CYFIP1: variants seen among roughly 807,000 people sequenced by gnomAD.
The protein encoded by CYFIP1 is cytoplasmic FMR1-interacting protein 1.
Under a neutral mutation model 163.5 loss-of-function variants are expected in CYFIP1, and 58 were observed. The observed-to-expected ratio is 0.35, with a 90% CI of 0.29 to 0.44. The LOEUF (loss-of-function observed/expected upper bound fraction) is 0.44. CYFIP1 is among the 20% of genes least tolerant of loss of function. CYFIP1 has a pLI of 1.00. For missense variants in CYFIP1, 1,338 were observed against 1,653.8 expected (o/e 0.81, Z 3.31); for synonymous variants, 663 against 660.7 (o/e 1.00, Z -0.05).
chr15:22,914,631 C>T lies in CYFIP1; in HGVS notation c.1985+95G>A, dbSNP rs1019551551. 3.1e-6 allele frequency: 4 copies of T among 1,302,694 alleles called. No homozygotes were observed. The African/African-American group carries it at 6.0e-5, about 20-fold the overall frequency. 80.7% of individuals were successfully genotyped at this position (1,302,694 alleles called of 1,614,324 possible). A position where few individuals can be genotyped will look rare whatever the true frequency, so the allele number is the denominator to read the frequency against. ...AGGCCCAGAAACTTGATTTCAAATA[C>T]AATACTAAAAACAGTCCCGGCCTCT... is the stretch of plus-strand genomic sequence containing the variant. On this transcript the variant is annotated intron_variant, in intron 17 of 30. Coordinates refer to ENST00000617928, the MANE Select transcript of CYFIP1 (RefSeq NM_014608.6).
intron 1 of CYFIP1, among the ~76,000 whole-genome samples, chr15:22,976,006 T>C (rs1487992624): frequency 1.3e-5 from 2 of 152,292 alleles, no homozygotes; most frequent in South Asian, 2.1e-4. Context: ...TGTTGAGTGT[T>C]CCAACCACTG....
intron 12 of CYFIP1, among the ~76,000 whole-genome samples, chr15:22,926,446 A>G (rs1005240905): frequency 1.2e-4 from 19 of 152,268 alleles, no homozygotes; most frequent in Admixed American, 1.2e-3. Flanking sequence ...TTGAGGCAGG[A>G]GGATCACTTG....
intron 13 of CYFIP1, among the ~76,000 whole-genome samples, chr15:22,921,702 G>T (rs2142138890): frequency 6.9e-6 from 1 of 145,772 alleles, no homozygotes; most frequent in Admixed American, 7.1e-5. Context: ...GGAGGTGAAG[G>T]TTGCAGTAAG....
intron 4 of CYFIP1, 97 bp from the exon 5 acceptor site, chr15:22,944,756 T>C: frequency 6.6e-7 from 1 of 1,519,424 alleles, no homozygotes; most frequent in Non-Finnish European, 9.1e-7. Flanking sequence ...TGCTGTGGGG[T>C]GAGAACTGGG....
At chr15:22,951,431 G>T in intron 1 of CYFIP1, 2 of 1,289,520 alleles carry the variant, frequency 1.6e-6, no homozygotes, top group African/African-American at 1.5e-5. Context: ...GAGCCAGCAT[G>T]GGGGGCCTGC....
At position 22,947,060 on chromosome 15, in the gene CYFIP1, A is replaced by C. The variant is rs2062086009; in HGVS notation, c.150T>G (p.Asn50Lys). 6.2e-7 allele frequency: 1 copy of C among 1,614,184 alleles called. No homozygotes were observed. Among genetic ancestry groups the C allele is most frequent in the Non-Finnish European group, 8.5e-7 (1 of 1,180,026 alleles). Residue 50 changes from asparagine (N) to lysine (K), a missense_variant, in exon 3 of 31, where the codon AAT becomes AAG. Asn to Lys is a moderately conservative substitution (Grantham distance 94, BLOSUM62 0). Transcript: ENST00000617928. ...ATCTTGCGATGCCAGTAACAAATGC[A>C]TTTCTGTCTTCAAAGTTAGTGTTGA... Reference protein sequence around the residue: ...PNFNTNFEDRNAFVTGIARYI... With the variant: ...PNFNTNFEDRKAFVTGIARYI...
At chr15:22,873,873 C>G in intron 28 of CYFIP1, 144 bp from the exon 29 acceptor site, 4 of 742,170 alleles carry the variant, frequency 5.4e-6, no homozygotes, top group Non-Finnish European at 9.1e-6. Flanking sequence ...CTCGCTGCAG[C>G]CTTGACTTCC....
At position 22,867,230 on chromosome 15, in the gene CYFIP1, TTTTA is replaced by T; in HGVS notation, c.*2794_*2797del. On this transcript the variant is annotated 3_prime_UTR_variant, in exon 31 of 31. Transcript: ENST00000617928. The stretch of plus-strand genomic sequence containing the variant: ...ATCAATCCCTGACCATGTAAGGCTT[TTTTA>T]TTTTAAAAAAACAGAGTTATCCCAA... 1 of 404,292 alleles carries T rather than the reference TTTTA, an allele frequency of 2.5e-6. No homozygotes were observed. Among genetic ancestry groups the T allele is most frequent in the Non-Finnish European group, 4.4e-6 (1 of 229,784 alleles). 25.0% of individuals were successfully genotyped at this position (404,292 alleles called of 1,614,324 possible). A position where few individuals can be genotyped will look rare whatever the true frequency, so the allele number is the denominator to read the frequency against.
intron 21 of CYFIP1, 119 bp from the exon 22 acceptor site, chr15:22,904,024 C>T (rs1439348330): frequency 3.3e-6 from 3 of 907,552 alleles, no homozygotes; most frequent in African/African-American, 1.7e-5. Context: ...GGAGGCAGCC[C>T]CCAGTGAGCG....
chr15:22,904,205 A>G (rs1174042724), intron 21 of CYFIP1: 5 of 461,186 alleles, frequency 1.1e-5, no homozygotes, highest in African/African-American at 4.0e-5. Context: ...CCTTCCCCCC[A>G]TGTGCCCGCT....
chr15:22,933,021 T>A, intron 10 of CYFIP1, among the ~76,000 whole-genome samples: 1 of 151,572 alleles, frequency 6.6e-6, no homozygotes, highest in South Asian at 2.1e-4. Flanking sequence ...TTTCATACAG[T>A]CAAGGTCTCA....
chr15:22,875,890 A>ATATATATATATATATATATATATATATG (rs1555395907), intron 26 of CYFIP1, among the ~76,000 whole-genome samples: 1 of 133,022 alleles, frequency 7.5e-6, no homozygotes, highest in Non-Finnish European at 1.6e-5. Context: ...AATAACATAT[A>ATATATATATATATATATATATATATATG]TATATATAAA....
intron 1 of CYFIP1, among the ~76,000 whole-genome samples, chr15:22,949,959 C>CCT (rs754834939): frequency 2.0e-5 from 3 of 151,660 alleles, no homozygotes; most frequent in Non-Finnish European, 2.9e-5. Flanking sequence ...TGAAATCCTG[C>CCT]CTCTTTTAAA....
rs956052384 is a variant in CYFIP1 at position 22,867,438 on chromosome 15, A to G, written c.*2590T>C. The G allele has an allele frequency of 2.8e-6, 1 of 361,972 alleles. No homozygotes were observed. The highest frequency in any genetic ancestry group is 4.9e-6 in the Non-Finnish European group (1 of 204,436). The allele number at this position is 361,972 out of a possible 1,614,324, so 22.4% of individuals were successfully genotyped here. A position where few individuals can be genotyped will look rare whatever the true frequency, so the allele number is the denominator to read the frequency against. ...CCAAGGAACGATTTCTCAGGTTGAG[A>G]TGATCACCGTGAATCCGGCTTCCTC... On this transcript the variant is annotated 3_prime_UTR_variant, in exon 31 of 31. Coordinates refer to ENST00000617928, the MANE Select transcript of CYFIP1 (RefSeq NM_014608.6).
At chr15:22,901,764 C>T (rs1047487594) in intron 22 of CYFIP1, among the ~76,000 whole-genome samples, 4 of 152,194 alleles carry the variant, frequency 2.6e-5, no homozygotes, top group Admixed American at 2.0e-4. Context: ...ACTAAAATTC[C>T]GGGTAGCATG....
chr15:22,916,678 C>T (rs1161497826), intron 15 of CYFIP1, 48 bp from the exon 16 acceptor site: 2 of 1,613,988 alleles, frequency 1.2e-6, no homozygotes, highest in Admixed American at 3.3e-5. Context: ...ATACATGGTA[C>T]ATTAGTTATG....
In CYFIP1 at chr15:22,917,643, C is replaced by T; in HGVS notation, c.1674+145G>A. 1 of 984,860 alleles carries T rather than the reference C, an allele frequency of 1.0e-6. No homozygotes were observed. Among genetic ancestry groups the T allele is most frequent in the Non-Finnish European group, 1.4e-6 (1 of 697,500 alleles). 61.0% of individuals were successfully genotyped at this position (984,860 alleles called of 1,614,324 possible). On this transcript the variant is annotated intron_variant, in intron 15 of 30. Coordinates refer to ENST00000617928, the MANE Select transcript of CYFIP1 (RefSeq NM_014608.6). The surrounding 1 kb of genome is among the most constrained non-coding windows in gnomAD (Gnocchi z 4.2). ...CTCACTTGGGTGGGAAACAGAGGAG[C>T]AGCAGAAACCACAGGCGCCACTTTC... is the stretch of plus-strand genomic sequence containing the variant.
At chr15:22,909,357 G>A in intron 20 of CYFIP1, 44 bp from the exon 21 acceptor site, 2 of 1,606,184 alleles carry the variant, frequency 1.2e-6, no homozygotes, top group Middle Eastern at 1.7e-4. Flanking sequence ...GTGGACATGA[G>A]CAGCTCGAAA....
At chr15:22,932,442 G>A in intron 10 of CYFIP1, 102 bp from the exon 11 acceptor site, 1 of 666,390 alleles carries the variant, frequency 1.5e-6, no homozygotes. Context: ...CACACAAATG[G>A]CTTTTATGTT....
Sources: gnomAD v4.1 joint callset for allele counts (sites outside exome capture counted in the v4.1 genomes callset) on GRCh38, gnomAD v4.1.1 for gene constraint, Gnocchi (gnomAD v3.1) non-coding constraint, MANE v1.5 for transcripts, NCBI Gene and HGNC (gene_info 2026-07-23, HGNC 2026-07-21) for gene names.